Variants in ZNF436 observed in about 807,000 individuals in gnomAD.
ZNF436 encodes the protein zinc finger protein 436.
In ZNF436, 22 loss-of-function variants were observed where a neutral mutation model predicts 41.9. The ratio of observed to expected loss-of-function variants is 0.53; its 90% CI spans 0.38 to 0.75. The LOEUF is 0.75. Among genes scored for constraint, ZNF436 ranks in the 30% least tolerant of loss-of-function variants. ZNF436 has a pLI of 0.00. For synonymous variants in ZNF436, 217 were observed against 197.8 expected (o/e 1.10, Z -0.82); for missense variants, 506 against 587.3 (o/e 0.86, Z 1.43).
rs765237996 is a variant in ZNF436 at position 23,369,569 on chromosome 1, TAAA to T, written c.-267_-265del. ...AAGCCCAGATATCGTAGGCTGATCCTAAAGACTCAGATTCCCGAGGCCTCAGAC... is the reference window on the plus strand; with the variant it reads ...AAGCCCAGATATCGTAGGCTGATCCTGACTCAGATTCCCGAGGCCTCAGAC... On this transcript the variant is annotated 5_prime_UTR_variant, in exon 1 of 4. Transcript: ENST00000314011. 9.4e-6 allele frequency: 5 copies of T among 532,938 alleles called. No individual in the cohort carries two copies. The East Asian group carries it at 2.7e-4, about 29-fold the overall frequency. 33.0% of individuals were successfully genotyped at this position (532,938 alleles called of 1,614,324 possible). A position where few individuals can be genotyped will look rare whatever the true frequency, so the allele number is the denominator to read the frequency against.
chr1:23,368,275 C>G, intron 1 of ZNF436: 2 of 470,594 alleles, frequency 4.2e-6, no homozygotes, highest in Non-Finnish European at 7.6e-6. Context: ...AGCCCCCTGG[C>G]TGGGTCCCTC....
chr1:23,361,829 G>T lies in ZNF436; in HGVS notation c.*140C>A. 1 of 870,200 alleles carries T rather than the reference G, an allele frequency of 1.1e-6. No individual in the cohort carries two copies. Among genetic ancestry groups the T allele is most frequent in the Non-Finnish European group, 1.7e-6 (1 of 595,678 alleles). 53.9% of individuals were successfully genotyped at this position (870,200 alleles called of 1,614,324 possible). A position where few individuals can be genotyped will look rare whatever the true frequency, so the allele number is the denominator to read the frequency against. The stretch of plus-strand genomic sequence containing the variant: ...AAGCTGAGGGTCAGAATTTCAAATG[G>T]CTTGTCATCTCTGATGGTTTAAATC... On this transcript the variant is annotated 3_prime_UTR_variant, in exon 4 of 4. Transcript: ENST00000314011.
Position 23,362,058 on chromosome 1 carries a change from C to T in ZNF436, c.1324G>A (p.Gly442Arg). ...NLITHQRVHT[G>R]EKPYECTECE... ...TCGGTACATTCATAAGGTTTCTCTCCCGTGTGAACTCTTTGATGTGTGATG... is the reference window on the plus strand; with the variant it reads ...TCGGTACATTCATAAGGTTTCTCTCTCGTGTGAACTCTTTGATGTGTGATG... Residue 442 changes from glycine to arginine, a missense_variant, in exon 4 of 4, where the codon GGA becomes AGA. Transcript: ENST00000314011. 2 of 1,614,208 alleles carry T rather than the reference C, an allele frequency of 1.2e-6. No homozygotes were observed. The highest frequency in any genetic ancestry group is 1.7e-6 in the Non-Finnish European group (2 of 1,180,042).
chr1:23,368,697 C>A (rs1159435360), intron 1 of ZNF436, among the ~76,000 whole-genome samples: 1 of 152,242 alleles, frequency 6.6e-6, no homozygotes, highest in African/African-American at 2.4e-5. Flanking sequence ...GCCTCACGTC[C>A]CTAGAAGCTT....
chr1:23,368,162 C>A (rs1345137403), intron 1 of ZNF436, 97 bp from the exon 2 acceptor site: 3 of 781,966 alleles, frequency 3.8e-6, no homozygotes, highest in Admixed American at 5.3e-5. Context: ...AGGGAGGGCC[C>A]TGGACCAGGG....
At chr1:23,367,703 C>T (rs1387036690) in intron 2 of ZNF436, among the ~76,000 whole-genome samples, 1 of 152,218 alleles carries the variant, frequency 6.6e-6, no homozygotes, top group Non-Finnish European at 1.5e-5. Context: ...CGCCTTTCTC[C>T]CTACAGATTG....
Position 23,362,098 on chromosome 1 carries a change from G to T in ZNF436, c.1284C>A (p.Thr428=). Residue 428 remains threonine, a synonymous_variant, in exon 4 of 4, where the codon ACC becomes ACA. Transcript: ENST00000314011. ...GATGTGTGATGAGGTTGGAGCTCTG[G>T]GTGAAACCTTTCCCACACTGCACAC... is the stretch of plus-strand genomic sequence containing the variant. The part of the protein sequence containing the change: ...YECVQCGKGF[T]QSSNLITHQR... 3 of 1,613,982 alleles carry T rather than the reference G, an allele frequency of 1.9e-6. No individual in the cohort carries two copies. Among genetic ancestry groups the T allele is most frequent in the Non-Finnish European group, 2.5e-6 (3 of 1,179,980 alleles).
At chr1:23,363,284 C>A in intron 3 of ZNF436, 63 bp from the exon 4 acceptor site, 1 of 1,413,414 alleles carries the variant, frequency 7.1e-7, no homozygotes, top group Non-Finnish European at 9.5e-7. Flanking sequence ...GTGCCAGGCA[C>A]TATACTAAAT....
intron 3 of ZNF436, among the ~76,000 whole-genome samples, chr1:23,364,043 TA>T (rs57254366): frequency 4.7e-5 from 7 of 149,284 alleles, no homozygotes; most frequent in South Asian, 4.2e-4. Flanking sequence ...CCCTGTCTCT[TA>T]AAAAAAAAAC....
At chr1:23,367,287 G>C in intron 2 of ZNF436, 119 bp from the exon 3 acceptor site, 1 of 1,173,666 alleles carries the variant, frequency 8.5e-7, no homozygotes, top group African/African-American at 1.6e-5. Flanking sequence ...GTCCAAATAA[G>C]AAATAAACAA....
At chr1:23,363,354 T>C (rs1219380405) in intron 3 of ZNF436, 133 bp from the exon 4 acceptor site, 1 of 709,974 alleles carries the variant, frequency 1.4e-6, no homozygotes, top group African/African-American at 1.8e-5. Context: ...AGTGGTGTGA[T>C]CTTGGCTCAC....
chr1:23,363,938 A>C (rs2148529160), intron 3 of ZNF436, among the ~76,000 whole-genome samples: 1 of 152,298 alleles, frequency 6.6e-6, no homozygotes, highest in African/African-American at 2.4e-5. Context: ...GCTACTCAGG[A>C]GGCTGAGGTA....
At position 23,362,156 on chromosome 1, in the gene ZNF436, T is replaced by C. The variant is rs1390861888; in HGVS notation, c.1226A>G (p.Gln409Arg). The C allele has an allele frequency of 6.8e-6, 11 of 1,613,370 alleles. No individual in the cohort carries two copies. Among genetic ancestry groups the C allele is most frequent in the Non-Finnish European group, 9.3e-6 (11 of 1,179,912 alleles). The change falls in exon 4 of 4, where the codon CAG becomes CGG. Residue 409 changes from glutamine to arginine, a missense_variant. Around this residue, in one of 2 missense-constraint regions of ZNF436, gnomAD observed 278 missense variants for 372.1 expected, o/e 0.75. Transcript: ENST00000314011. Reference protein sequence around the residue: ...FGERSDLIKHQRTHTGEKPYE... With the variant: ...FGERSDLIKHRRTHTGEKPYE... The stretch of plus-strand genomic sequence containing the variant: ...GGGCTTCTCCCCTGTGTGGGTTCTC[T>C]GATGTTTAATTAGATCTGACCTTTC...
intron 3 of ZNF436, among the ~76,000 whole-genome samples, chr1:23,364,654 G>C (rs1049274691): frequency 1.3e-5 from 2 of 152,200 alleles, no homozygotes; most frequent in African/African-American, 4.8e-5. Flanking sequence ...GAAAATAGGA[G>C]TGGGAAAGTT....
chr1:23,361,374 C>T lies in ZNF436; in HGVS notation c.*595G>A, dbSNP rs371241148. 3.9e-5 allele frequency: 6 copies of T among 152,650 alleles called. No individual in the cohort carries two copies. The highest frequency in any genetic ancestry group is 1.4e-4 in the African/African-American group (6 of 41,406). The allele number at this position is 152,650 out of a possible 1,614,324, so 9.5% of individuals were successfully genotyped here. On this transcript the variant is annotated 3_prime_UTR_variant, in exon 4 of 4. Transcript: ENST00000314011. ...CACAAAGATGCAAGCTTTAAAGGAG[C>T]TAATTAGAAACAATGAGAAGGAGAA...
chr1:23,361,621 A>T lies in ZNF436; in HGVS notation c.*348T>A. On this transcript the variant is annotated 3_prime_UTR_variant, in exon 4 of 4. Transcript: ENST00000314011. ...ATTACAGTCCCACGTTTCACTTAGC[A>T]TAGTTCCTTGGGCCAAGGATGGGAG... is the stretch of plus-strand genomic sequence containing the variant. The T allele has an allele frequency of 4.7e-6, 1 of 213,300 alleles. No individual in the cohort carries two copies. The highest frequency in any genetic ancestry group is 9.5e-6 in the Non-Finnish European group (1 of 105,668). The allele number at this position is 213,300 out of a possible 1,614,324, so 13.2% of individuals were successfully genotyped here. A position where few individuals can be genotyped will look rare whatever the true frequency, so the allele number is the denominator to read the frequency against.
In ZNF436 at chr1:23,362,370, C is replaced by T. The variant is rs146010799; in HGVS notation, c.1012G>A (p.Glu338Lys). The T allele has an allele frequency of 1.1e-4, 177 of 1,614,048 alleles. No individual in the cohort carries two copies. The East Asian group carries it at 2.0e-3, about 18-fold the overall frequency. The change falls in exon 4 of 4, where the codon GAA becomes AAA. Residue 338 changes from glutamate (E) to lysine (K), a missense_variant. Glu to Lys is a moderately conservative substitution (Grantham distance 56). Around this residue, in one of 2 missense-constraint regions of ZNF436, gnomAD observed 278 missense variants for 372.1 expected, o/e 0.75. Transcript: ENST00000314011. ...HTGEKPYHCNECGENFSRISH... is the reference protein window; with the variant it reads ...HTGEKPYHCNKCGENFSRISH... ...ATGCGGCTGAAATTTTCCCCACATT[C>T]GTTACAGTGGTATGGCTTCTCTCCC...
intron 1 of ZNF436, 64 bp from the exon 2 acceptor site, chr1:23,368,129 G>A: frequency 8.8e-7 from 1 of 1,142,364 alleles, no homozygotes; most frequent in Non-Finnish European, 1.3e-6. Flanking sequence ...CCCCAGGGCT[G>A]GAGTTCTGGC....
chr1:23,362,861 C>G lies in ZNF436; in HGVS notation c.521G>C (p.Gly174Ala), dbSNP rs1638277951. The G allele has an allele frequency of 3.1e-6, 5 of 1,614,072 alleles. No individual in the cohort carries two copies. ...RPYKCYECGK[G>A]FSRSSHLIQH... The stretch of plus-strand genomic sequence containing the variant: ...AATAAGGTGTGAGCTGCGACTGAAG[C>G]CTTTTCCACATTCATAACATTTATA... Residue 174 changes from glycine to alanine, a missense_variant, in exon 4 of 4, where the codon GGC becomes GCC. Coordinates refer to ENST00000314011, the MANE Select transcript of ZNF436 (RefSeq NM_001077195.2).
Sources: gnomAD v4.1 joint callset for allele counts (sites outside exome capture counted in the v4.1 genomes callset) on GRCh38, gnomAD v4.1.1 for gene constraint, gnomAD v4.1.1 regional missense constraint, MANE v1.5 for transcripts, NCBI Gene and HGNC (gene_info 2026-07-23, HGNC 2026-07-21) for gene names.